PAPLN: variants seen among roughly 807,000 people sequenced by gnomAD.
PAPLN encodes the protein papilin.
PAPLN carries 146 observed loss-of-function variants against 159.0 expected under a neutral mutation model. The observed-to-expected ratio is 0.92, with a 90% CI of 0.80 to 1.05. The LOEUF (loss-of-function observed/expected upper bound fraction) is 1.05, where lower values mean the gene tolerates loss of function less well. Among genes scored for constraint, PAPLN ranks in the 50% least tolerant of loss-of-function variants. The pLI is 0.00. For synonymous variants in PAPLN, 734 were observed against 702.9 expected, an observed-to-expected ratio of 1.04 and a Z score of -0.70; for missense variants, 1,720 against 1,743.9, an observed-to-expected ratio of 0.99 and a Z score of 0.24.
intron 26 of PAPLN, 149 bp from the exon 27 acceptor site, chr14:73,272,346 T>G: frequency 3.0e-6 from 2 of 670,034 alleles, no homozygotes; most frequent in Non-Finnish European, 4.7e-6. Flanking sequence ...TTTGTACGTA[T>G]GGTTAAAAGG....
rs779039047 is a variant in PAPLN, at chr14:73,262,389, C to T, written c.2285C>T (p.Ser762Phe). ...TGCCTGCTGCCCAGTGCCCATGGCT[C>T]TTGCGCAGACTGGGCTGCCCGCTGG... ...VRCLLPSAHG[S>F]CADWAARWYF... The change falls in exon 19 of 27, where the codon TCT (serine) becomes TTT (phenylalanine). Residue 762 changes from serine to phenylalanine, a missense_variant. Ser to Phe is a radical substitution (Grantham distance 155, BLOSUM62 -2). Coordinates refer to ENST00000644200, the MANE Select transcript of PAPLN (RefSeq NM_001365906.3). The T allele has an allele frequency of 3.7e-6, 6 of 1,613,876 alleles. No homozygotes were observed. In the African/African-American group the frequency reaches 6.7e-5, roughly 18 times the overall value.
chr14:73,260,625 T>A (rs924917095), intron 16 of PAPLN, 84 bp from the exon 17 acceptor site: 1 of 1,329,668 alleles, frequency 7.5e-7, no homozygotes. Context: ...GCCCCCACCA[T>A]GGGGAGCCTC....
In PAPLN at chr14:73,246,170, A is replaced by G. The variant is rs1043886114; in HGVS notation, c.329A>G (p.Tyr110Cys). ...CGGCGGTATCGGTGGCTGCCCTACT[A>G]CAGCGGTGAGCGCGGCCGGGACTCG... ...QGRRYRWLPYYSAPNKCELNC... is the reference protein window; with the variant it reads ...QGRRYRWLPYCSAPNKCELNC... Residue 110 changes from tyrosine to cysteine, a missense_variant, in exon 5 of 27, where the codon TAC (tyrosine) becomes TGC (cysteine). Coordinates refer to ENST00000644200, the MANE Select transcript of PAPLN (RefSeq NM_001365906.3). The G allele has an allele frequency of 6.3e-7, 1 of 1,580,316 alleles. No homozygotes were observed. The highest frequency in any genetic ancestry group is 8.6e-7 in the Non-Finnish European group (1 of 1,167,398).
chr14:73,238,310 G>A (rs530007185), intron 1 of PAPLN, among the ~76,000 whole-genome samples: 102 of 152,344 alleles, frequency 6.7e-4, no homozygotes, highest in Non-Finnish European at 1.2e-3. Context: ...CGCCCACCCT[G>A]CGTGCCCGGG....
At position 73,268,568 on chromosome 14, in the gene PAPLN, C is replaced by A; in HGVS notation, c.3512C>A (p.Pro1171His). 2.5e-6 allele frequency: 4 copies of A among 1,612,388 alleles called. No homozygotes were observed. The highest frequency in any genetic ancestry group is 3.4e-6 in the Non-Finnish European group (4 of 1,179,056). The change falls in exon 26 of 27, where the codon CCT becomes CAT. Residue 1171 changes from proline (P) to histidine (H), a missense_variant. Coordinates refer to ENST00000644200, the MANE Select transcript of PAPLN (RefSeq NM_001365906.3). ...VNIRWSRNGL[P>H]VQADGHRVHQ... ...CCTCTCTCCTCCAGGAACGGGCTAC[C>A]TGTGCAGGCTGATGGCCACCGTGTC... is the stretch of plus-strand genomic sequence containing the variant.
intron 20 of PAPLN, 123 bp downstream of exon 20, chr14:73,263,905 C>T: frequency 2.5e-6 from 3 of 1,204,060 alleles, no homozygotes; most frequent in South Asian, 1.3e-5. Flanking sequence ...CCTCCTTTGA[C>T]AGGTGTGTGT....
chr14:73,266,874 C>A lies in PAPLN; in HGVS notation c.3500+43C>A, dbSNP rs975414659. ...AGTTGTCCCTGTCCCCAGACCTTCA[C>A]AACCTCAGGTGTGGGTGTCCACCTT... On this transcript the variant is annotated intron_variant, in intron 25 of 26. Coordinates refer to ENST00000644200, the MANE Select transcript of PAPLN (RefSeq NM_001365906.3). 3.2e-6 allele frequency: 5 copies of A among 1,541,296 alleles called. No individual in the cohort carries two copies. In the Admixed American group the frequency reaches 7.5e-5, roughly 23 times the overall value.
chr14:73,239,672 C>T, intron 1 of PAPLN, 101 bp from the exon 2 acceptor site: 4 of 1,489,072 alleles, frequency 2.7e-6, no homozygotes, highest in South Asian at 1.3e-5. Flanking sequence ...GTCTCCTGGT[C>T]ACCTGTGGGC....
chr14:73,244,458 A>G (rs1845311206), intron 2 of PAPLN, 186 bp from the exon 3 acceptor site: 2 of 558,126 alleles, frequency 3.6e-6, no homozygotes, highest in South Asian at 2.1e-5. Flanking sequence ...AAAGCAGGCT[A>G]ATTCTGAAAA....
chr14:73,262,922 C>T (rs1413864721), intron 19 of PAPLN, 95 bp downstream of exon 19: 1 of 1,138,386 alleles, frequency 8.8e-7, no homozygotes, highest in South Asian at 2.9e-5. Context: ...GGCCCTCCCT[C>T]CCCATCCCTA....
chr14:73,255,073 A>G, intron 14 of PAPLN, 55 bp downstream of exon 14: 1 of 1,562,604 alleles, frequency 6.4e-7, no homozygotes, highest in South Asian at 1.2e-5. Context: ...CCCACTCGCT[A>G]CAAACCCAGC....
At chr14:73,254,795 C>T in intron 13 of PAPLN, 82 bp from the exon 14 acceptor site, 14 of 1,591,264 alleles carry the variant, frequency 8.8e-6, no homozygotes, top group Non-Finnish European at 1.2e-5. Context: ...CCACTGGGCA[C>T]CTTCCCCTGC....
Position 73,272,810 on chromosome 14 carries a change from T to G in PAPLN, c.*146T>G, listed in dbSNP as rs187654744. On this transcript the variant is annotated 3_prime_UTR_variant, in exon 27 of 27. Transcript: ENST00000644200. ...CTCTTTCAAAAACCCACCCAGTGTT[T>G]AGCCTCAACGGCAGCCAGTTACCAG... The G allele has an allele frequency of 4.5e-4, 378 of 842,558 alleles. 2 individuals are homozygous for G. In the East Asian group the frequency reaches 9.4e-3, roughly 21 times the overall value. The allele number at this position is 842,558 out of a possible 1,614,324, so 52.2% of individuals were successfully genotyped here.
At position 73,259,413 on chromosome 14, in the gene PAPLN, A is replaced by AGCAGCCCCCATACCG; in HGVS notation, c.1856_1857insGCCCCCATACCGGCA (p.Pro620_Leu621insProTyrArgGlnPro). The AGCAGCCCCCATACCG allele has an allele frequency of 6.2e-7, 1 of 1,613,078 alleles. No homozygotes were observed. The highest frequency in any genetic ancestry group is 8.5e-7 in the Non-Finnish European group (1 of 1,179,704). ...CCCTCTCTGCAGCAGCCCCCATACC[A>AGCAGCCCCCATACCG]GCAACCCCTGCGGTCGGGCTCAGGG... On this transcript the variant is annotated inframe_insertion, in exon 16 of 27. Coordinates refer to ENST00000644200, the MANE Select transcript of PAPLN (RefSeq NM_001365906.3).
At chr14:73,239,711 C>G (rs1397667945) in intron 1 of PAPLN, 62 bp from the exon 2 acceptor site, 8 of 1,533,422 alleles carry the variant, frequency 5.2e-6, no homozygotes, top group Non-Finnish European at 6.1e-6. Flanking sequence ...CACACACTCT[C>G]GCCCGCGCCC....
At chr14:73,260,688 G>A (rs368603636) in intron 16 of PAPLN, 21 bp from the exon 17 acceptor site, 7 of 1,441,886 alleles carry the variant, frequency 4.9e-6, no homozygotes, top group African/African-American at 1.5e-5. Context: ...GGCAGTGAGG[G>A]GCTGTGTGAT....
intron 5 of PAPLN, among the ~76,000 whole-genome samples, chr14:73,248,279 G>T (rs1884842963): frequency 6.7e-6 from 1 of 148,216 alleles, no homozygotes; most frequent in African/African-American, 2.5e-5. Flanking sequence ...GTGTGTTGTG[G>T]GGATTGTGGC....
At position 73,272,579 on chromosome 14, in the gene PAPLN, A is replaced by C; in HGVS notation, c.3752A>C (p.Gln1251Pro). 6.2e-7 allele frequency: 1 copy of C among 1,604,740 alleles called. No homozygotes were observed. Among genetic ancestry groups the C allele is most frequent in the Non-Finnish European group, 8.5e-7 (1 of 1,172,170 alleles). ...LANCDLILQA[Q>P]LCGNEYYSSF... ...AACTGTGATTTGATCCTGCAGGCCC[A>C]GCTTTGTGGCAATGAGTATTACTCC... is the stretch of plus-strand genomic sequence containing the variant. Residue 1251 changes from glutamine to proline, a missense_variant, in exon 27 of 27, where the codon CAG becomes CCG. Transcript: ENST00000644200.
At chr14:73,258,459 T>C (rs552418793) in intron 14 of PAPLN, among the ~76,000 whole-genome samples, 67 of 152,228 alleles carry the variant, frequency 4.4e-4, no homozygotes, top group African/African-American at 1.6e-3. Context: ...GCACATTTTA[T>C]AGCTGGTACT....
Sources: allele counts gnomAD v4.1 joint callset (sites outside exome capture counted in the v4.1 genomes callset), GRCh38; gene constraint gnomAD v4.1.1; transcripts MANE v1.5; gene names NCBI Gene and HGNC (gene_info 2026-07-23, HGNC 2026-07-21).